Variants in NCOR2 observed in about 807,000 individuals in gnomAD.
NCOR2 encodes nuclear receptor corepressor 2, also known as CTG repeat protein 26.
Under a neutral mutation model 262.9 loss-of-function variants are expected in NCOR2, and 81 were observed. That is an observed-to-expected ratio of 0.31 (90% confidence interval 0.26 to 0.37). The LOEUF is 0.37. Ranked by LOEUF, NCOR2 falls within the 10% of genes least tolerant of loss-of-function variation. The pLI, the probability that NCOR2 is intolerant of heterozygous loss-of-function variation, is 1.00. For synonymous variants in NCOR2, 1,659 were observed against 1,559.3 expected, an observed-to-expected ratio of 1.06 and a Z score of -1.51; for missense variants, 3,385 against 3,621.4, an observed-to-expected ratio of 0.93 and a Z score of 1.68.
chr12:124,555,268 C>T (rs1309270930), intron 1 of NCOR2, among the ~76,000 whole-genome samples: 1 of 152,192 alleles, frequency 6.6e-6, no homozygotes, highest in East Asian at 1.9e-4. Context: ...CACCTCTGCC[C>T]CTCCCTGCTC....
At chr12:124,354,798 C>T (rs376652114) in intron 25 of NCOR2, 39 bp downstream of exon 27, 12 of 1,590,500 alleles carry the variant, frequency 7.5e-6, no homozygotes, top group Non-Finnish European at 1.0e-5. Context: ...AGCCAGAGCC[C>T]AGCCTGAGCC....
At chr12:124,527,960 CA>C (rs1207880439) in intron 1 of NCOR2, among the ~76,000 whole-genome samples, 1 of 152,232 alleles carries the variant, frequency 6.6e-6, no homozygotes, top group Non-Finnish European at 1.5e-5. Context: ...GCTGTGGCCC[CA>C]TCTGTGCGGG....
chr12:124,510,927 C>T (rs2137019236), intron 1 of NCOR2, among the ~76,000 whole-genome samples: 1 of 152,356 alleles, frequency 6.6e-6, no homozygotes, highest in Non-Finnish European at 1.5e-5. Context: ...GGAATCTGGA[C>T]TCCAACCTGT....
intron 1 of NCOR2, among the ~76,000 whole-genome samples, chr12:124,516,150 C>G (rs12320598): frequency 7.9e-5 from 12 of 152,220 alleles, no homozygotes; most frequent in African/African-American, 2.7e-4. Context: ...GGCCTGGACG[C>G]CCGGGGAACT....
intron 22 of NCOR2, among the ~76,000 whole-genome samples, chr12:124,358,287 A>G (rs1001883710): frequency 1.7e-5 from 2 of 118,428 alleles, no homozygotes; most frequent in Non-Finnish European, 3.4e-5. Flanking sequence ...TGATGTGTGT[A>G]TGTGCACGTG....
chr12:124,493,988 C>T (rs1034194384), intron 1 of NCOR2, among the ~76,000 whole-genome samples: 1 of 152,182 alleles, frequency 6.6e-6, no homozygotes, highest in Non-Finnish European at 1.5e-5. Context: ...TGCAATGACT[C>T]TGCCCAGGGA....
intron 37 of NCOR2, among the ~76,000 whole-genome samples, chr12:124,339,487 A>ACTACTCACACATAGTCTAT (rs2036227786): frequency 7.2e-6 from 1 of 138,032 alleles, no homozygotes; most frequent in African/African-American, 2.7e-5. Context: ...CCACCCATCC[A>ACTACTCACACATAGTCTAT]TCCACCCAGC....
chr12:124,377,029 G>C (rs1593278932), intron 18 of NCOR2, among the ~76,000 whole-genome samples: 1 of 152,232 alleles, frequency 6.6e-6, no homozygotes, highest in East Asian at 1.9e-4. Context: ...GGGAAAAAGA[G>C]GCACAGGGTG....
chr12:124,544,655 G>A (rs543278717), intron 1 of NCOR2, among the ~76,000 whole-genome samples: 15 of 152,284 alleles, frequency 9.9e-5, no homozygotes, highest in Admixed American at 7.2e-4. Flanking sequence ...CCCAGGGTAG[G>A]TCAGGGATGC....
In NCOR2 at chr12:124,332,586, C is replaced by T. The variant is rs78895760; in HGVS notation, c.6756-119G>A. On this transcript the variant is annotated intron_variant, in intron 42 of 46. Coordinates refer to ENST00000405201, the Ensembl canonical transcript of NCOR2. ...TTTGGAAGCAAGCTTCACCCGCCCC[C>T]ACGCCTGCATCCCCTGCCTGGTAGA... 1.8e-3 allele frequency: 2,293 copies of T among 1,280,482 alleles called. 28 individuals are homozygous for T. The African/African-American group carries it at 0.029, about 16-fold the overall frequency. The allele number at this position is 1,280,482 out of a possible 1,614,324, so 79.3% of individuals were successfully genotyped here.
chr12:124,462,353 C>T (rs1317877777), intron 5 of NCOR2, among the ~76,000 whole-genome samples: 2 of 152,182 alleles, frequency 1.3e-5, no homozygotes, highest in African/African-American at 2.4e-5. Context: ...CAAGAAGCCC[C>T]AAGCCCCCAG....
chr12:124,498,999 C>A (rs1317713479), upstream of NCOR2, among the ~76,000 whole-genome samples: 1 of 152,222 alleles, frequency 6.6e-6, no homozygotes, highest in Non-Finnish European at 1.5e-5. Context: ...AGGAATGAGG[C>A]CTGCTAATGG....
At chr12:124,344,344 A>G (rs2036736990) in intron 32 of NCOR2, among the ~76,000 whole-genome samples, 1 of 152,176 alleles carries the variant, frequency 6.6e-6, no homozygotes, top group South Asian at 2.1e-4. Flanking sequence ...CTGTTTGCAG[A>G]GTGGATTACA....
intron 16 of NCOR2, 151 bp from the exon 19 acceptor site, chr12:124,386,038 G>A: frequency 1.0e-6 from 1 of 979,922 alleles, no homozygotes; most frequent in Admixed American, 2.9e-5. Context: ...AAGAGACAGT[G>A]ATGGGCCACG....
At chr12:124,479,252 GCACA>G (rs912450794) in intron 3 of NCOR2, among the ~76,000 whole-genome samples, 31 of 151,310 alleles carry the variant, frequency 2.0e-4, no homozygotes, top group African/African-American at 4.9e-4. Flanking sequence ...GCACACACAC[GCACA>G]CACAAACACA....
At chr12:124,417,269 C>T (rs138711659) in intron 13 of NCOR2, among the ~76,000 whole-genome samples, 2,484 of 151,506 alleles carry the variant, frequency 0.016, 78 homozygotes, top group African/African-American at 0.058. Flanking sequence ...GAGAGCAGGC[C>T]GGACACTCAC....
intron 43 of NCOR2, chr12:124,332,067 C>T (rs944390117): frequency 6.0e-6 from 3 of 501,242 alleles, no homozygotes; most frequent in African/African-American, 5.8e-5. Flanking sequence ...CAGGTATTCA[C>T]TGGGCACCTA....
intron 1 of NCOR2, among the ~76,000 whole-genome samples, chr12:124,510,142 T>TG (rs2049309880): frequency 6.6e-6 from 1 of 152,088 alleles, no homozygotes; most frequent in Non-Finnish European, 1.5e-5. Flanking sequence ...AAGTGGCTGT[T>TG]CCAGGCCTCG....
intron 5 of NCOR2, among the ~76,000 whole-genome samples, chr12:124,463,689 G>A (rs1147286): frequency 0.15 from 22,941 of 152,264 alleles, 1,767 homozygotes; most frequent in East Asian, 0.22. Context: ...GAAGGAAGGC[G>A]GATTAAAATT....
Sources: gnomAD v4.1 joint callset for allele counts (sites outside exome capture counted in the v4.1 genomes callset) on GRCh38, gnomAD v4.1.1 for gene constraint, MANE v1.5 for transcripts, NCBI Gene and HGNC (gene_info 2026-07-23, HGNC 2026-07-21) for gene names.